Variants in FGD3 observed in about 807,000 individuals in gnomAD.
FGD3 encodes FYVE, RhoGEF and PH domain containing 3.
Under a neutral mutation model 71.8 loss-of-function variants are expected in FGD3, and 45 were observed. The ratio of observed to expected loss-of-function variants is 0.63; its 90% CI spans 0.49 to 0.80. FGD3 has a LOEUF of 0.80. Ranked by LOEUF, FGD3 falls within the 30% of genes least tolerant of loss-of-function variation. FGD3 has a pLI of 0.00. For missense variants in FGD3, 844 were observed against 951.5 expected (o/e 0.89, Z 1.49); for synonymous variants, 378 against 392.8 (o/e 0.96, Z 0.44).
chr9:93,003,920 C>T lies in FGD3; in HGVS notation c.544-81C>T, dbSNP rs2118699827. 6.3e-7 allele frequency: 1 copy of T among 1,576,938 alleles called. No individual in the cohort carries two copies. Among genetic ancestry groups the T allele is most frequent in the Non-Finnish European group, 8.7e-7 (1 of 1,155,082 alleles). ...GCAGCAGCGGCCCCTCCCGAGCGCC[C>T]TCACCTGTGGCCGAAGCGGGGCGGC... On this transcript the variant is annotated intron_variant, in intron 4 of 17. Transcript: ENST00000375482. The surrounding 1 kb of genome is among the most constrained non-coding windows in gnomAD (Gnocchi z 4.1).
At chr9:93,006,969 C>T (rs529433110) in intron 6 of FGD3, among the ~76,000 whole-genome samples, 10 of 151,992 alleles carry the variant, frequency 6.6e-5, no homozygotes, top group East Asian at 5.8e-4. Flanking sequence ...CCTCATGATC[C>T]GCCCTCCTTG....
chr9:92,965,809 AG>A (rs1859303594), intron 1 of FGD3, among the ~76,000 whole-genome samples: 1 of 152,290 alleles, frequency 6.6e-6, no homozygotes, highest in South Asian at 2.1e-4. Flanking sequence ...GAGCTCCCAA[AG>A]CATCCTCCCC....
chr9:92,961,201 A>G (rs1859161550), intron 1 of FGD3, among the ~76,000 whole-genome samples: 1 of 152,112 alleles, frequency 6.6e-6, no homozygotes, highest in Non-Finnish European at 1.5e-5. Flanking sequence ...GTCCTGGGGA[A>G]ACCCCCTTTC....
At chr9:92,968,614 T>TTC (rs1859424027) in intron 1 of FGD3, among the ~76,000 whole-genome samples, 1 of 149,902 alleles carries the variant, frequency 6.7e-6, no homozygotes, top group African/African-American at 2.5e-5. Context: ...TTTCTTTTTT[T>TTC]TTTTTTTGAC....
At chr9:92,952,852 C>T (rs1478306617) in intron 1 of FGD3, among the ~76,000 whole-genome samples, 2 of 152,038 alleles carry the variant, frequency 1.3e-5, no homozygotes, top group Non-Finnish European at 2.9e-5. Flanking sequence ...TTACTTCTTC[C>T]CCCGAGGTCC....
At chr9:93,016,975 A>G (rs969488634) in intron 10 of FGD3, among the ~76,000 whole-genome samples, 2 of 152,224 alleles carry the variant, frequency 1.3e-5, no homozygotes, top group African/African-American at 4.8e-5. Flanking sequence ...TAACTACTAT[A>G]AAAAGCTGGG....
chr9:92,954,525 G>A (rs967317585), intron 1 of FGD3, among the ~76,000 whole-genome samples: 2 of 152,192 alleles, frequency 1.3e-5, no homozygotes, highest in Non-Finnish European at 2.9e-5. Context: ...ACCCTAATAA[G>A]TGAGCAGAAG....
At chr9:92,988,163 C>G (rs189486923) in intron 3 of FGD3, among the ~76,000 whole-genome samples, 1 of 152,308 alleles carries the variant, frequency 6.6e-6, no homozygotes, top group African/African-American at 2.4e-5. Context: ...AAAGAGGGGT[C>G]CTGCCAACAG....
At chr9:93,012,660 C>T (rs1341947063) in intron 8 of FGD3, among the ~76,000 whole-genome samples, 5 of 134,002 alleles carry the variant, frequency 3.7e-5, no homozygotes, top group Admixed American at 7.8e-5. Context: ...TGGCTCACAC[C>T]TGTGAGCCAC....
At chr9:92,963,467 T>C (rs932049524) in intron 1 of FGD3, among the ~76,000 whole-genome samples, 1 of 152,060 alleles carries the variant, frequency 6.6e-6, no homozygotes. Flanking sequence ...GCCCAGCTGA[T>C]TTTTGTATTT....
intron 14 of FGD3, 88 bp from the exon 15 acceptor site, chr9:93,029,785 AC>A: frequency 2.6e-6 from 4 of 1,515,948 alleles, no homozygotes; most frequent in Non-Finnish European, 3.6e-6. Flanking sequence ...TGTGGCTTTT[AC>A]AGTCACGAGA....
intron 3 of FGD3, among the ~76,000 whole-genome samples, chr9:92,998,361 G>A (rs959819450): frequency 1.3e-5 from 2 of 152,148 alleles, no homozygotes; most frequent in Non-Finnish European, 2.9e-5. Flanking sequence ...ATTCTAGTTA[G>A]CTATTCGTCT....
intron 11 of FGD3, among the ~76,000 whole-genome samples, 155 bp from the exon 12 acceptor site, chr9:93,019,676 G>A (rs996696558): frequency 6.6e-6 from 1 of 152,238 alleles, no homozygotes; most frequent in East Asian, 1.9e-4. Flanking sequence ...ACCAGGCCAC[G>A]AGTGTTTTGA....
chr9:92,993,735 G>A (rs1055175588), intron 3 of FGD3, among the ~76,000 whole-genome samples: 23 of 152,240 alleles, frequency 1.5e-4, no homozygotes, highest in Admixed American at 5.9e-4. Flanking sequence ...CCGTCCTTGC[G>A]ATAGTTTGCT....
At chr9:93,028,664 G>T (rs1311977711) in intron 14 of FGD3, among the ~76,000 whole-genome samples, 1 of 152,194 alleles carries the variant, frequency 6.6e-6, no homozygotes, top group Non-Finnish European at 1.5e-5. Flanking sequence ...CTTGCCAAAC[G>T]CAGTCGGGGT....
chr9:93,027,354 C>T (rs558891029), intron 14 of FGD3, among the ~76,000 whole-genome samples: 8 of 152,288 alleles, frequency 5.3e-5, no homozygotes, highest in Non-Finnish European at 8.8e-5. Context: ...AGTCTGAGAT[C>T]AAGGTGTGGG....
intron 1 of FGD3, among the ~76,000 whole-genome samples, chr9:92,949,765 A>G (rs1330799681): frequency 6.6e-6 from 1 of 152,114 alleles, no homozygotes; most frequent in Non-Finnish European, 1.5e-5. Context: ...GGGGAGACTC[A>G]GGCTTCCTCC....
chr9:93,028,352 AAAG>A (rs1176822756), intron 14 of FGD3, among the ~76,000 whole-genome samples: 57 of 110,024 alleles, frequency 5.2e-4, no homozygotes, highest in East Asian at 1.7e-3. Context: ...AAAAAAAAAA[AAAG>A]AAAGAAAAAC....
intron 6 of FGD3, among the ~76,000 whole-genome samples, chr9:93,006,949 G>C (rs919972237): frequency 2.6e-5 from 4 of 151,446 alleles, no homozygotes; most frequent in East Asian, 1.9e-4. Context: ...GGATGGTCTC[G>C]ATCTCCTGAC....
Sources: gnomAD v4.1 joint callset for allele counts (sites outside exome capture counted in the v4.1 genomes callset) on GRCh38, gnomAD v4.1.1 for gene constraint, Gnocchi (gnomAD v3.1) non-coding constraint, MANE v1.5 for transcripts, NCBI Gene and HGNC (gene_info 2026-07-23, HGNC 2026-07-21) for gene names.